HTR2C: variants seen among roughly 807,000 people sequenced by gnomAD.
HTR2C encodes 5-hydroxytryptamine receptor 2C.
In HTR2C, 5 loss-of-function variants were observed where a neutral mutation model predicts 21.0. The observed-to-expected ratio is 0.24, with a 90% confidence interval of 0.12 to 0.50. The LOEUF (loss-of-function observed/expected upper bound fraction) is 0.50, where lower values mean the gene tolerates loss of function less well. Among genes scored for constraint, HTR2C ranks in the 20% least tolerant of loss-of-function variants. The probability of loss-of-function intolerance (pLI) is 0.98; values close to 1 mark genes in which losing one functional copy is unlikely to be tolerated. For missense variants in HTR2C, 271 were observed against 371.2 expected (o/e 0.73, Z 2.22); for synonymous variants, 150 against 145.3 (o/e 1.03, Z -0.23).
At chrX:114,775,199 T>C in intron 4 of HTR2C, 1 of 520,714 alleles carries the variant, frequency 1.9e-6, no homozygotes. Context: ...GCTTTGTACT[T>C]CTCAGCTTAC....
intron 4 of HTR2C, among the ~76,000 whole-genome samples, chrX:114,765,207 T>C (rs1279709429): frequency 9.1e-6 from 1 of 109,607 alleles, no homozygotes; most frequent in Non-Finnish European, 1.9e-5. Flanking sequence ...TTATATTGTC[T>C]GCTAATGTGC....
At chrX:114,667,320 A>G (rs1931214600) in intron 2 of HTR2C, among the ~76,000 whole-genome samples, 1 of 110,755 alleles carries the variant, frequency 9.0e-6, no homozygotes, top group South Asian at 3.8e-4. Context: ...GACATCAAAA[A>G]CAGGACTTAA....
In HTR2C at chrX:114,818,668, G is replaced by A. The variant is rs148747705; in HGVS notation, c.350-29335G>A. ...GAGGTCAGCTAACCACAGCCCATGG[G>A]CCAAATCCTGCTGGCTGCCTCTTTG... On this transcript the variant is annotated intron_variant, in intron 4 of 5. Transcript: ENST00000276198. Among the ~76,000 whole-genome samples the A allele has an allele frequency of 1.5e-3, 170 of 111,168 alleles. No homozygotes were observed. In the East Asian group the frequency reaches 0.034, roughly 22 times the overall value.
chrX:114,834,983 A>G (rs1556463061), intron 4 of HTR2C, among the ~76,000 whole-genome samples: 1 of 100,339 alleles, frequency 1.0e-5, no homozygotes, highest in African/African-American at 3.5e-5. Context: ...TTGGCTGGAT[A>G]TGAAATTCTG....
chrX:114,766,710 A>G (rs1331266904), intron 4 of HTR2C, among the ~76,000 whole-genome samples: 3 of 111,762 alleles, frequency 2.7e-5, no homozygotes, highest in Non-Finnish European at 5.7e-5. Context: ...TGGGCTAATC[A>G]TTAAAAGTTA....
intron 2 of HTR2C, among the ~76,000 whole-genome samples, chrX:114,707,477 A>G (rs939522387): frequency 4.5e-5 from 5 of 111,823 alleles, no homozygotes; most frequent in African/African-American, 1.6e-4. Flanking sequence ...CAAGTTCATT[A>G]TTTAAATGAG....
intron 4 of HTR2C, among the ~76,000 whole-genome samples, chrX:114,806,244 CCATATATAT>C (rs2070430180): frequency 3.1e-5 from 3 of 96,454 alleles, no homozygotes; most frequent in African/African-American, 1.1e-4. Flanking sequence ...CATATATATA[CCATATATAT>C]ACACCACATA....
In HTR2C at chrX:114,644,619, C is replaced by T. The variant is rs781978287; in HGVS notation, c.-80+30738C>T. On this transcript the variant is annotated intron_variant, in intron 2 of 5. Coordinates refer to ENST00000276198, the MANE Select transcript of HTR2C (RefSeq NM_000868.4). ...TTGGTCTTACCTCTTTATGGTTTAT[C>T]GAGTTGGCATATCACCTACTTATGG... is the stretch of plus-strand genomic sequence containing the variant. Among the ~76,000 whole-genome samples the T allele has an allele frequency of 3.2e-3, 344 of 105,904 alleles. 1 individual carries two copies. The highest frequency in any genetic ancestry group is 5.1e-3 in the Non-Finnish European group (263 of 51,984). 92.0% of individuals were successfully genotyped at this position (105,904 alleles called of 115,157 possible).
chrX:114,861,755 T>C (rs1940792828), intron 5 of HTR2C, among the ~76,000 whole-genome samples: 1 of 111,543 alleles, frequency 9.0e-6, no homozygotes, highest in Non-Finnish European at 1.9e-5. Flanking sequence ...CCTCTACATA[T>C]ACCTGTTGGA....
intron 2 of HTR2C, among the ~76,000 whole-genome samples, chrX:114,692,576 A>ATT (rs200666432): frequency 9.2e-6 from 1 of 108,737 alleles, no homozygotes. Context: ...TATTCTTTAC[A>ATT]TTTTTTTTTG....
chrX:114,633,932 G>GTGTATATATA (rs1556404801), intron 2 of HTR2C, among the ~76,000 whole-genome samples: 4 of 89,430 alleles, frequency 4.5e-5, no homozygotes, highest in African/African-American at 1.7e-4. Flanking sequence ...ATATGCATGT[G>GTGTATATATA]TATATATATA....
At chrX:114,813,075 T>C (rs1214075289) in intron 4 of HTR2C, among the ~76,000 whole-genome samples, 2 of 111,760 alleles carry the variant, frequency 1.8e-5, no homozygotes, top group African/African-American at 6.5e-5. Context: ...ATAAAAATAG[T>C]CATGCCACCC....
intron 4 of HTR2C, among the ~76,000 whole-genome samples, chrX:114,742,343 A>G (rs1411814062): frequency 2.7e-5 from 3 of 111,462 alleles, no homozygotes; most frequent in African/African-American, 9.8e-5. Flanking sequence ...AATTTAATGT[A>G]TTTAAACATC....
chrX:114,749,714 C>A (rs1246321229), intron 4 of HTR2C, among the ~76,000 whole-genome samples: 4 of 109,050 alleles, frequency 3.7e-5, no homozygotes, highest in South Asian at 3.9e-4. Context: ...ACAAAAACAA[C>A]AAAAAAACAA....
intron 5 of HTR2C, among the ~76,000 whole-genome samples, chrX:114,887,466 A>T (rs2071228373): frequency 9.0e-6 from 1 of 111,437 alleles, no homozygotes; most frequent in South Asian, 3.7e-4. Flanking sequence ...ATAATTAAAA[A>T]TTTCTTTATA....
At chrX:114,718,059 G>A (rs140370124) in intron 2 of HTR2C, among the ~76,000 whole-genome samples, 9,896 of 110,330 alleles carry the variant, frequency 0.09, 396 homozygotes, top group South Asian at 0.18. Context: ...GTCTCACTGT[G>A]TCACCCAGAC....
chrX:114,719,368 G>A (rs1933111465), intron 2 of HTR2C, among the ~76,000 whole-genome samples: 1 of 111,291 alleles, frequency 9.0e-6, no homozygotes, highest in Non-Finnish European at 1.9e-5. Flanking sequence ...AAGACAAGAA[G>A]TTTTGCATCA....
At chrX:114,747,218 A>T (rs1242764497) in intron 4 of HTR2C, among the ~76,000 whole-genome samples, 1 of 111,818 alleles carries the variant, frequency 8.9e-6, no homozygotes, top group African/African-American at 3.3e-5. Flanking sequence ...AAAACTCAGA[A>T]TGGAAGGGAA....
chrX:114,860,255 G>GT (rs1340474499), intron 5 of HTR2C, among the ~76,000 whole-genome samples: 11 of 110,713 alleles, frequency 9.9e-5, no homozygotes, highest in African/African-American at 1.3e-4. Flanking sequence ...TCTCCTTTTA[G>GT]TTTTTTTAAC....
Sources: allele counts gnomAD v4.1 joint callset (sites outside exome capture counted in the v4.1 genomes callset), GRCh38; gene constraint gnomAD v4.1.1; transcripts MANE v1.5; gene names NCBI Gene and HGNC (gene_info 2026-07-23, HGNC 2026-07-21).